LZTS3: variants seen among roughly 807,000 people sequenced by gnomAD.
LZTS3 encodes the protein leucine zipper putative tumor suppressor 3.
A neutral mutation model predicts 50.9 loss-of-function variants in LZTS3; 16 were observed. The observed-to-expected ratio is 0.31, with a 90% CI of 0.21 to 0.48. The LOEUF is 0.48. LZTS3 is among the 20% of genes least tolerant of loss of function. The pLI, the probability that LZTS3 is intolerant of heterozygous loss-of-function variation, is 0.99. For synonymous variants in LZTS3, 408 were observed against 410.6 expected, an observed-to-expected ratio of 0.99 and a Z score of 0.08; for missense variants, 816 against 931.0, an observed-to-expected ratio of 0.88 and a Z score of 1.61.
Position 3,166,710 on chromosome 20 carries a change from C to A in LZTS3, c.454G>T (p.Asp152Tyr). ...PKLLATSGKL[D>Y]QCSEPLVRPS... ...CTCAGGCCCTGCGGACTGACCTGGT[C>A]TAGCTTGCCAGAGGTGGCCAGGAGC... Residue 152 changes from aspartate to tyrosine, a missense_variant, in exon 3 of 5, where the codon GAC (aspartate) becomes TAC (tyrosine). Around this residue, in one of 3 missense-constraint regions of LZTS3, gnomAD observed 700 missense variants for 769.4 expected, o/e 0.91. Coordinates refer to ENST00000337576, the MANE Select transcript of LZTS3 (RefSeq NM_001365618.1). 2.5e-6 allele frequency: 4 copies of A among 1,613,236 alleles called. No individual in the cohort carries two copies. The highest frequency in any genetic ancestry group is 3.4e-6 in the Non-Finnish European group (4 of 1,179,476).
chr20:3,168,740 G>C (rs533308769), intron 1 of LZTS3, among the ~76,000 whole-genome samples: 2 of 152,218 alleles, frequency 1.3e-5, no homozygotes, highest in African/African-American at 4.8e-5. Flanking sequence ...GGAAATGGGA[G>C]AGGGCGCCCT....
Position 3,164,227 on chromosome 20 carries a change from CCCT to C in LZTS3, c.*224_*226del, listed in dbSNP as rs2066770519. The C allele has an allele frequency of 6.6e-6, 3 of 452,054 alleles. No individual in the cohort carries two copies. The highest frequency in any genetic ancestry group is 2.0e-5 in the African/African-American group (1 of 48,910). 28.0% of individuals were successfully genotyped at this position (452,054 alleles called of 1,614,324 possible). ...CCTAGGATTGCCCCCACTCACCCTG[CCCT>C]CCTCCTATTCCCTCCTTTTAGGGGG... On this transcript the variant is annotated 3_prime_UTR_variant, in exon 5 of 5. Transcript: ENST00000337576.
rs2066823746 is a variant in LZTS3, at chr20:3,166,511, C to T, written c.460-151G>A. On this transcript the variant is annotated intron_variant, in intron 3 of 4. Transcript: ENST00000337576. ...CCCCATCCGGGGTTCTACCTCATGG[C>T]TCCCTGATACCAGATCTCTGTCCTT... 1.3e-5 allele frequency: 16 copies of T among 1,187,130 alleles called. No homozygotes were observed. The South Asian group carries it at 2.5e-4, about 19-fold the overall frequency. 73.5% of individuals were successfully genotyped at this position (1,187,130 alleles called of 1,614,324 possible). A position where few individuals can be genotyped will look rare whatever the true frequency, so the allele number is the denominator to read the frequency against.
rs2066779463 is a variant in LZTS3 at position 3,164,649 on chromosome 20, C to T, written c.1827G>A (p.Lys609=). 6.2e-7 allele frequency: 1 copy of T among 1,612,990 alleles called. No individual in the cohort carries two copies. Among genetic ancestry groups the T allele is most frequent in the Non-Finnish European group, 8.5e-7 (1 of 1,179,462 alleles). Residue 609 remains lysine (K), a synonymous_variant, in exon 5 of 5, where the codon AAG becomes AAA. Transcript: ENST00000337576. ...GCTTCTGGTACTCGATCACCTTCTC[C>T]TTCTCCTCCAGCCACACGCGGCGCT... The part of the protein sequence containing the change: ...AEERRVWLEE[K]EKVIEYQKQL...
intron 1 of LZTS3, among the ~76,000 whole-genome samples, chr20:3,172,498 C>G (rs754027650): frequency 6.6e-6 from 1 of 152,206 alleles, no homozygotes; most frequent in Non-Finnish European, 1.5e-5. Flanking sequence ...TGCCAGCTCT[C>G]TGTGCCCATC....
At position 3,165,331 on chromosome 20, in the gene LZTS3, C is replaced by A. The variant is rs982681257; in HGVS notation, c.1323+166G>T. Reference sequence around the variant, plus strand: ...CTCAAGATGGACATGTCTCACCCAGCGGATGGCCTCGGGTCCTCACAGACA... The same window carrying A: ...CTCAAGATGGACATGTCTCACCCAGAGGATGGCCTCGGGTCCTCACAGACA... On this transcript the variant is annotated intron_variant, in intron 4 of 4. Coordinates refer to ENST00000337576, the MANE Select transcript of LZTS3 (RefSeq NM_001365618.1). This position sits in a 1 kb window ranked among gnomAD's most constrained non-coding sequence, Gnocchi z 5.0. Among the ~76,000 whole-genome samples the A allele has an allele frequency of 6.6e-6, 1 of 151,976 alleles. No homozygotes were observed. Among genetic ancestry groups the A allele is most frequent in the Non-Finnish European group, 1.5e-5 (1 of 68,016 alleles).
intron 1 of LZTS3, among the ~76,000 whole-genome samples, chr20:3,171,583 T>C (rs2066903166): frequency 6.6e-6 from 1 of 150,714 alleles, no homozygotes; most frequent in Non-Finnish European, 1.5e-5. Flanking sequence ...GAGAATCGCT[T>C]GAACCCAGGA....
At chr20:3,166,476 C>A in intron 3 of LZTS3, 116 bp from the exon 4 acceptor site, 2 of 1,319,176 alleles carry the variant, frequency 1.5e-6, no homozygotes, top group South Asian at 1.5e-5. Flanking sequence ...TGGATTTCCA[C>A]CCTGAGGTTC....
In LZTS3 at chr20:3,166,664, C is replaced by T. The variant is rs770134428; in HGVS notation, c.459+41G>A. On this transcript the variant is annotated intron_variant, in intron 3 of 4. Coordinates refer to ENST00000337576, the MANE Select transcript of LZTS3 (RefSeq NM_001365618.1). ...TTCCTCTCTGGGTTGCCTCCCACCC[C>T]CAGAAAAAGGCTGTGAGGGTCTCAG... 5 of 1,590,980 alleles carry T rather than the reference C, an allele frequency of 3.1e-6. No individual in the cohort carries two copies. The South Asian group carries it at 5.6e-5, about 18-fold the overall frequency.
intron 1 of LZTS3, among the ~76,000 whole-genome samples, chr20:3,169,472 G>A (rs1006528972): frequency 4.6e-5 from 7 of 152,190 alleles, no homozygotes; most frequent in Non-Finnish European, 8.8e-5. Context: ...GTGGGGACAA[G>A]GGATAATGCT....
At chr20:3,171,414 C>T (rs777263774) in intron 1 of LZTS3, among the ~76,000 whole-genome samples, 1 of 152,130 alleles carries the variant, frequency 6.6e-6, no homozygotes, top group East Asian at 1.9e-4. Context: ...AGCTTCTTGT[C>T]GTAATTGTAA....
In LZTS3 at chr20:3,166,922, T is replaced by A; in HGVS notation, c.242A>T (p.Glu81Val). Reference sequence around the variant, plus strand: ...CTCTGAGGGGTAGCGGCCCGGCCTCTCCCTGCTGGCCCCACTGCCACTGCC... The same window carrying A: ...CTCTGAGGGGTAGCGGCCCGGCCTCACCCTGCTGGCCCCACTGCCACTGCC... ...PRGSGSGASRERPGRYPSEDK... is the reference protein window; with the variant it reads ...PRGSGSGASRVRPGRYPSEDK... The change falls in exon 3 of 5, where the codon GAG (glutamate) becomes GTG (valine). Residue 81 changes from glutamate (E) to valine (V), a missense_variant. Around this residue, in one of 3 missense-constraint regions of LZTS3, gnomAD observed 700 missense variants for 769.4 expected, o/e 0.91. Coordinates refer to ENST00000337576, the MANE Select transcript of LZTS3 (RefSeq NM_001365618.1). 6.2e-7 allele frequency: 1 copy of A among 1,610,968 alleles called. No homozygotes were observed. Among genetic ancestry groups the A allele is most frequent in the Non-Finnish European group, 8.5e-7 (1 of 1,179,868 alleles).
Position 3,165,044 on chromosome 20 carries a change from G to T in LZTS3, c.1432C>A (p.Arg478=). ...TCCCGCAGCGAAGCCCGGCCCTCCC[G>T]CAGCTGCGAGCGCAGTCCCACGATC... ...SEIVGLRSQL[R]EGRASLREKE... is the part of the protein sequence containing the mutation. Residue 478 remains arginine (R), a synonymous_variant, in exon 5 of 5, where the codon CGG becomes AGG. Coordinates refer to ENST00000337576, the MANE Select transcript of LZTS3 (RefSeq NM_001365618.1). The surrounding 1 kb of genome is among the most constrained non-coding windows in gnomAD (Gnocchi z 5.0). The T allele has an allele frequency of 6.4e-7, 1 of 1,573,282 alleles. No individual in the cohort carries two copies.
chr20:3,164,699 G>T lies in LZTS3; in HGVS notation c.1777C>A (p.Arg593Ser). The T allele has an allele frequency of 6.3e-7, 1 of 1,574,932 alleles. No homozygotes were observed. The highest frequency in any genetic ancestry group is 8.6e-7 in the Non-Finnish European group (1 of 1,162,250). Residue 593 changes from arginine (R) to serine (S), a missense_variant, in exon 5 of 5, where the codon CGC becomes AGC. Physicochemically the swap from Arg to Ser is moderately radical, Grantham distance 110. Around this residue, in one of 3 missense-constraint regions of LZTS3, gnomAD observed 107 missense variants for 130.4 expected, o/e 0.82. Transcript: ENST00000337576. The stretch of plus-strand genomic sequence containing the variant: ...TCCTCGGCGAAGCTGGCACCCTGGC[G>T]CTCCCGGGCCCGCCGCTCAGCCGCC... ...ELAAERRARE[R>S]QGASFAEERR... is the part of the protein sequence containing the mutation.
rs755665768 is a variant in LZTS3, at chr20:3,164,907, G to T, written c.1569C>A (p.Pro523=). The T allele has an allele frequency of 1.1e-5, 17 of 1,549,312 alleles. No individual in the cohort carries two copies. The highest frequency in any genetic ancestry group is 1.7e-4 in the Middle Eastern group (1 of 6,000). ...PAACLKPALT[P]VDPAEPQDAL... The stretch of plus-strand genomic sequence containing the variant: ...CATCCTGTGGCTCGGCCGGGTCCAC[G>T]GGGGTCAGCGCCGGCTTGAGGCAGG... Residue 523 remains proline, a synonymous_variant, in exon 5 of 5, where the codon CCC becomes CCA. Transcript: ENST00000337576.
chr20:3,172,590 C>G (rs73075048), intron 1 of LZTS3, among the ~76,000 whole-genome samples: 21,078 of 152,188 alleles, frequency 0.14, 1,855 homozygotes, highest in Non-Finnish European at 0.19. Context: ...CATCTTGGAG[C>G]ACTTGGCTGA....
chr20:3,164,536 C>G lies in LZTS3; in HGVS notation c.1940G>C (p.Ser647Thr). The G allele has an allele frequency of 6.2e-7, 1 of 1,603,978 alleles. No individual in the cohort carries two copies. Among genetic ancestry groups the G allele is most frequent in the Admixed American group, 1.7e-5 (1 of 58,908 alleles). Residue 647 changes from serine to threonine, a missense_variant, in exon 5 of 5, where the codon AGC (serine) becomes ACC (threonine). This residue lies in a region of LZTS3 where 107 missense variants were observed against 130.4 expected (regional missense o/e 0.82). Transcript: ENST00000337576. ...CTCGCCATGCTGGGGAGTGGGCGTG[C>G]TTGCACCCCCTGCGGCCCCGCGCTC... ...LRERGAAGGA[S>T]TPTPQHGEEK...
Position 3,167,119 on chromosome 20 carries a change from C to A in LZTS3, c.45G>T (p.Arg15=). The A allele has an allele frequency of 6.6e-7, 1 of 1,508,140 alleles. No individual in the cohort carries two copies. Among genetic ancestry groups the A allele is most frequent in the Non-Finnish European group, 8.8e-7 (1 of 1,131,808 alleles). The allele number at this position is 1,508,140 out of a possible 1,614,324, so 93.4% of individuals were successfully genotyped here. ...GTGGGGCAAAGGCCAGGAGAGGATCCCGCCCTGGGTCAGCGCGCACAGGCA... is the reference window on the plus strand; with the variant it reads ...GTGGGGCAAAGGCCAGGAGAGGATCACGCCCTGGGTCAGCGCGCACAGGCA... ...ETLPVRADPG[R]DPLLAFAPRP... The change falls in exon 3 of 5, where the codon CGG becomes CGT. Residue 15 remains arginine, a synonymous_variant. Transcript: ENST00000337576.
rs1409347756 is a variant in LZTS3, at chr20:3,164,750, C to G, written c.1726G>C (p.Glu576Gln). Residue 576 changes from glutamate to glutamine, a missense_variant, in exon 5 of 5, where the codon GAG (glutamate) becomes CAG (glutamine). By Grantham distance (29) the Glu-to-Gln change is conservative. Around this residue, in one of 3 missense-constraint regions of LZTS3, gnomAD observed 9 missense variants for 31.2 expected, o/e 0.29. Transcript: ENST00000337576. The stretch of plus-strand genomic sequence containing the variant: ...AGCTCGGCCTGCAGCCGCCCCACCT[C>G]CCGCCGCAGGGCCCGCGTCCCGCTC... ...GESGTRALRR[E>Q]VGRLQAELAA... 1 of 1,523,144 alleles carries G rather than the reference C, an allele frequency of 6.6e-7. No individual in the cohort carries two copies. Among genetic ancestry groups the G allele is most frequent in the African/African-American group, 1.4e-5 (1 of 70,354 alleles). 94.4% of individuals were successfully genotyped at this position (1,523,144 alleles called of 1,614,324 possible).
Sources: allele counts gnomAD v4.1 joint callset (sites outside exome capture counted in the v4.1 genomes callset), GRCh38; gene constraint gnomAD v4.1.1; regional missense constraint gnomAD v4.1.1; non-coding constraint Gnocchi (gnomAD v3.1); transcripts MANE v1.5; gene names NCBI Gene and HGNC (gene_info 2026-07-23, HGNC 2026-07-21).